The following ABCC12 variants were observed in gnomAD, a reference collection of about 807,000 sequenced individuals.
ABCC12 encodes ATP binding cassette subfamily C member 12, also known as ATP-binding cassette sub-family C member 12.
A neutral mutation model predicts 151.1 loss-of-function variants in ABCC12; 142 were observed. The observed-to-expected ratio is 0.94, with a 90% CI of 0.82 to 1.08. The LOEUF (loss-of-function observed/expected upper bound fraction) is 1.08, where lower values mean the gene tolerates loss of function less well. ABCC12 is among the 50% of genes least tolerant of loss of function. The probability of loss-of-function intolerance (pLI) is 0.00; values close to 1 mark genes in which losing one functional copy is unlikely to be tolerated. For missense variants in ABCC12, 1,638 were observed against 1,691.1 expected (o/e 0.97, Z 0.55); for synonymous variants, 645 against 646.4 (o/e 1.00, Z 0.03).
At position 48,085,624 on chromosome 16, in the gene ABCC12, C is replaced by G. The variant is rs779305809; in HGVS notation, c.3797G>C (p.Cys1266Ser). 1 of 1,614,044 alleles carries G rather than the reference C, an allele frequency of 6.2e-7. No individual in the cohort carries two copies. Among genetic ancestry groups the G allele is most frequent in the Non-Finnish European group, 8.5e-7 (1 of 1,180,036 alleles). ...ATTACGGAGAAGAGCTCGGGCCACA[C>G]AAAGCAGCTGACGTTCCCCTACTGA... is the stretch of plus-strand genomic sequence containing the variant. ...NFSVGERQLL[C>S]VARALLRNSK... The change falls in exon 29 of 31, where the codon TGT becomes TCT. Residue 1266 changes from cysteine to serine, a missense_variant. Cys to Ser is a moderately radical substitution (Grantham distance 112, BLOSUM62 -1). Coordinates refer to ENST00000311303, the MANE Select transcript of ABCC12 (RefSeq NM_001393797.1).
intron 24 of ABCC12, among the ~76,000 whole-genome samples, chr16:48,096,418 C>T (rs1168353029): frequency 6.6e-6 from 1 of 152,222 alleles, no homozygotes; most frequent in African/African-American, 2.4e-5. Context: ...TGCTTTCCTC[C>T]AATAACAGTA....
At chr16:48,136,026 C>A (rs1006915415) in intron 8 of ABCC12, among the ~76,000 whole-genome samples, 1 of 152,202 alleles carries the variant, frequency 6.6e-6, no homozygotes, top group Non-Finnish European at 1.5e-5. Context: ...ATCGTCCTCA[C>A]CACTGCATGA....
chr16:48,148,107 C>G (rs1965058472), intron 2 of ABCC12, among the ~76,000 whole-genome samples: 1 of 152,050 alleles, frequency 6.6e-6, no homozygotes, highest in South Asian at 2.1e-4. Flanking sequence ...GCCACTGCGT[C>G]TGGCTAATTT....
chr16:48,146,640 G>C (rs775688326), intron 2 of ABCC12, 166 bp from the exon 3 acceptor site: 1 of 547,110 alleles, frequency 1.8e-6, no homozygotes, highest in East Asian at 3.0e-5. Context: ...GACCTGCTAC[G>C]TCCCTTAATG....
At chr16:48,088,994 G>T (rs1010703922) in intron 25 of ABCC12, among the ~76,000 whole-genome samples, 1 of 152,192 alleles carries the variant, frequency 6.6e-6, no homozygotes, top group African/African-American at 2.4e-5. Context: ...GGAAAGGGGG[G>T]TAGGAGAGTA....
At chr16:48,110,759 G>T (rs1320322768) in intron 18 of ABCC12, among the ~76,000 whole-genome samples, 1 of 151,978 alleles carries the variant, frequency 6.6e-6, no homozygotes, top group African/African-American at 2.4e-5. Flanking sequence ...CTCTGTGAAG[G>T]CCTCCCTGAC....
intron 8 of ABCC12, among the ~76,000 whole-genome samples, chr16:48,136,358 C>A (rs1964609091): frequency 6.6e-6 from 1 of 152,198 alleles, no homozygotes; most frequent in South Asian, 2.1e-4. Context: ...TGCAGGGAAG[C>A]CATTCCCAGT....
At chr16:48,121,639 T>G (rs1031374762) in intron 13 of ABCC12, 77 bp downstream of exon 13, 1 of 1,570,298 alleles carries the variant, frequency 6.4e-7, no homozygotes, top group South Asian at 1.2e-5. Context: ...TTAGCAGTCA[T>G]TACCAACAGC....
chr16:48,087,570 G>A (rs1249849144), intron 27 of ABCC12: 1 of 190,146 alleles, frequency 5.3e-6, no homozygotes, highest in East Asian at 1.3e-4. Flanking sequence ...GTGCAAACTG[G>A]GACACTTTTC....
At chr16:48,149,655 G>A (rs181692943) in intron 2 of ABCC12, among the ~76,000 whole-genome samples, 5 of 152,278 alleles carry the variant, frequency 3.3e-5, no homozygotes, top group Admixed American at 2.6e-4. Context: ...AATTACAGAA[G>A]ACATAATTTG....
At chr16:48,151,459 T>A (rs550074809) in intron 2 of ABCC12, among the ~76,000 whole-genome samples, 1 of 152,170 alleles carries the variant, frequency 6.6e-6, no homozygotes, top group South Asian at 2.1e-4. Flanking sequence ...CAAAAAAGGA[T>A]GTTAGATAAA....
Position 48,121,725 on chromosome 16 carries a change from T to G in ABCC12, c.1703A>C (p.Asp568Ala). The change falls in exon 13 of 31, where the codon GAT (aspartate) becomes GCT (alanine). Residue 568 changes from aspartate (D) to alanine (A), a missense_variant. Asp to Ala is a moderately radical substitution (Grantham distance 126, BLOSUM62 -2). Transcript: ENST00000311303. ...TAAAAGTTAATATTACCTTTGGTGATCATACTTTTCTCCAAAGAGTATGTT... is the reference window on the plus strand; with the variant it reads ...TAAAAGTTAATATTACCTTTGGTGAGCATACTTTTCTCCAAAGAGTATGTT... ...RENILFGEKY[D>A]HQRYQHTVRV... is the part of the protein sequence containing the mutation. The G allele has an allele frequency of 6.2e-7, 1 of 1,614,148 alleles. No homozygotes were observed. Among genetic ancestry groups the G allele is most frequent in the Non-Finnish European group, 8.5e-7 (1 of 1,179,990 alleles).
chr16:48,089,216 A>G (rs900803335), intron 25 of ABCC12, among the ~76,000 whole-genome samples: 14 of 152,200 alleles, frequency 9.2e-5, no homozygotes, highest in Middle Eastern at 3.2e-3. Context: ...AGAGGGATGG[A>G]TGACTTAGAG....
In ABCC12 at chr16:48,128,778, C is replaced by T. The variant is rs746393601; in HGVS notation, c.1237-41G>A. ...CAAAATTAACTGAGCAGATGTCATC[C>T]ATTTGCAAGAATCATCCCAATGTAT... On this transcript the variant is annotated intron_variant, in intron 10 of 30. Transcript: ENST00000311303. The T allele has an allele frequency of 1.0e-5, 16 of 1,587,026 alleles. No homozygotes were observed. The South Asian group carries it at 1.7e-4, about 17-fold the overall frequency.
chr16:48,100,756 A>G (rs1963275344), intron 23 of ABCC12, 116 bp downstream of exon 23: 2 of 1,282,148 alleles, frequency 1.6e-6, no homozygotes, highest in Admixed American at 2.8e-5. Flanking sequence ...TGATTCTTCC[A>G]GCTCTTTGTC....
intron 2 of ABCC12, among the ~76,000 whole-genome samples, chr16:48,149,461 G>A (rs1214236707): frequency 1.3e-5 from 2 of 152,076 alleles, no homozygotes; most frequent in East Asian, 3.8e-4. Context: ...CCTATGACAA[G>A]TTTATTTTAA....
At chr16:48,153,328 AT>A (rs552083186) in intron 2 of ABCC12, among the ~76,000 whole-genome samples, 125 of 152,350 alleles carry the variant, frequency 8.2e-4, no homozygotes, top group South Asian at 5.8e-3. Flanking sequence ...TAAGTTTGAA[AT>A]CATTACAAAA....
intron 28 of ABCC12, 123 bp downstream of exon 28, chr16:48,086,618 G>C (rs557127871): frequency 9.0e-6 from 7 of 780,592 alleles, no homozygotes; most frequent in African/African-American, 6.8e-5. Flanking sequence ...TGACTTACGT[G>C]GTGTCTACAA....
chr16:48,092,547 G>A (rs923046557), intron 24 of ABCC12, among the ~76,000 whole-genome samples: 1 of 152,256 alleles, frequency 6.6e-6, no homozygotes, highest in Non-Finnish European at 1.5e-5. Flanking sequence ...TTGTCACCAA[G>A]TGGGCTAGAG....
Sources: gnomAD v4.1 joint callset for allele counts (sites outside exome capture counted in the v4.1 genomes callset) on GRCh38, gnomAD v4.1.1 for gene constraint, MANE v1.5 for transcripts, NCBI Gene and HGNC (gene_info 2026-07-23, HGNC 2026-07-21) for gene names.